Variants in RASGRF1 observed in about 807,000 individuals in gnomAD.
RASGRF1 encodes Ras protein specific guanine nucleotide releasing factor 1.
RASGRF1 carries 40 observed loss-of-function variants against 138.7 expected under a neutral mutation model. The observed-to-expected ratio is 0.29, with a 90% CI of 0.22 to 0.38. RASGRF1 has a LOEUF of 0.38. RASGRF1 is among the 10% of genes least tolerant of loss of function. The pLI is 1.00. For missense variants in RASGRF1, 1,108 were observed against 1,650.4 expected, an observed-to-expected ratio of 0.67 and a Z score of 5.69; for synonymous variants, 614 against 663.2, an observed-to-expected ratio of 0.93 and a Z score of 1.14.
At chr15:79,014,128 C>T (rs34628127) in intron 13 of RASGRF1, among the ~76,000 whole-genome samples, 14,984 of 152,124 alleles carry the variant, frequency 0.098, 879 homozygotes, top group Non-Finnish European at 0.13. Context: ...ACTTCTGTAA[C>T]CCTTCTACAC....
chr15:79,025,586 G>A lies in RASGRF1; in HGVS notation c.1382-112C>T, dbSNP rs114102725. 1.1e-4 allele frequency: 150 copies of A among 1,307,034 alleles called. No individual in the cohort carries two copies. The African/African-American group carries it at 2.1e-3, about 19-fold the overall frequency. 81.0% of individuals were successfully genotyped at this position (1,307,034 alleles called of 1,614,324 possible). On this transcript the variant is annotated intron_variant, in intron 9 of 26. Transcript: ENST00000558480. ...AGCAGCAGTGGGACAAGTCCATTCT[G>A]TTTCCCAGTAGCAAATGTGCCCCTG...
chr15:79,043,470 C>A (rs568078635), intron 5 of RASGRF1, among the ~76,000 whole-genome samples: 1 of 152,322 alleles, frequency 6.6e-6, no homozygotes, highest in Non-Finnish European at 1.5e-5. Flanking sequence ...CACCAAGTCT[C>A]TTCTTTGATC....
At chr15:79,021,503 C>T (rs1048853646) in intron 10 of RASGRF1, among the ~76,000 whole-genome samples, 1 of 152,240 alleles carries the variant, frequency 6.6e-6, no homozygotes, top group Admixed American at 6.5e-5. Flanking sequence ...CTAGCTCTGA[C>T]ATTCTCTTAC....
intron 14 of RASGRF1, among the ~76,000 whole-genome samples, chr15:79,004,534 T>A (rs2056629211): frequency 6.6e-6 from 1 of 152,248 alleles, no homozygotes; most frequent in South Asian, 2.1e-4. Context: ...CTACACTCTC[T>A]GGCCTCATCC....
chr15:79,057,652 GT>G (rs1263219005), intron 3 of RASGRF1, among the ~76,000 whole-genome samples: 4 of 152,164 alleles, frequency 2.6e-5, no homozygotes, highest in Non-Finnish European at 5.9e-5. Context: ...GCTTCCTAAG[GT>G]TTAATGTAAA....
In RASGRF1 at chr15:79,073,864, C is replaced by T. The variant is rs988623542; in HGVS notation, c.277-9338G>A. The stretch of plus-strand genomic sequence containing the variant: ...TGTTAGGACTGTAAGTTCTTGGGCT[C>T]CACCCCAGACCTCTGTTTTGAAACA... On this transcript the variant is annotated intron_variant, in intron 1 of 26. Coordinates refer to ENST00000558480, the MANE Select transcript of RASGRF1 (RefSeq NM_001145648.3). The surrounding 1 kb of genome is among the most constrained non-coding windows in gnomAD (Gnocchi z 4.2). Among the ~76,000 whole-genome samples, 3 of 152,216 alleles carry T rather than the reference C, an allele frequency of 2.0e-5. No individual in the cohort carries two copies. The highest frequency in any genetic ancestry group is 4.8e-5 in the African/African-American group (2 of 41,444).
chr15:79,027,855 T>G lies in RASGRF1; in HGVS notation c.1267A>C (p.Met423Leu). 1 of 1,614,180 alleles carries G rather than the reference T, an allele frequency of 6.2e-7. No homozygotes were observed. Among genetic ancestry groups the G allele is most frequent in the Non-Finnish European group, 8.5e-7 (1 of 1,180,012 alleles). The change falls in exon 9 of 27, where the codon ATG (methionine) becomes CTG (leucine). Residue 423 changes from methionine to leucine, a missense_variant. Coordinates refer to ENST00000558480, the MANE Select transcript of RASGRF1 (RefSeq NM_001145648.3). This position sits in a 1 kb window ranked among gnomAD's most constrained non-coding sequence, Gnocchi z 4.8. Reference sequence around the variant, plus strand: ...TCCGTCTCACTTACTTCATCGTGCATTATTCTGTGGGGATGGGAAACTGCA... The same window carrying G: ...TCCGTCTCACTTACTTCATCGTGCAGTATTCTGTGGGGATGGGAAACTGCA... ...KSKLEELSRI[M>L]HDEVSETENI...
At chr15:79,013,917 C>A (rs551885110) in intron 13 of RASGRF1, among the ~76,000 whole-genome samples, 4 of 152,218 alleles carry the variant, frequency 2.6e-5, no homozygotes, top group South Asian at 4.1e-4. Flanking sequence ...TCTATATATT[C>A]ATTTTTTAAT....
At chr15:78,988,198 A>G (rs2056200834) in intron 22 of RASGRF1, among the ~76,000 whole-genome samples, 1 of 152,226 alleles carries the variant, frequency 6.6e-6, no homozygotes, top group Non-Finnish European at 1.5e-5. Context: ...CAGTTTCTTC[A>G]TCCACAAAGT....
chr15:79,082,712 T>A (rs183232380), intron 1 of RASGRF1, among the ~76,000 whole-genome samples: 4 of 152,298 alleles, frequency 2.6e-5, no homozygotes, highest in Admixed American at 2.6e-4. Flanking sequence ...TCGTGATGAT[T>A]TGTCCACAGG....
intron 20 of RASGRF1, 120 bp downstream of exon 20, chr15:78,995,619 TG>T: frequency 8.3e-7 from 1 of 1,208,646 alleles, no homozygotes; most frequent in South Asian, 1.3e-5. Context: ...GCCCAGTTTG[TG>T]GTATTTTTTC....
Position 78,973,964 on chromosome 15 carries a change from C to A in RASGRF1, c.3495-544G>T, listed in dbSNP as rs1231489748. 6.6e-6 allele frequency among the ~76,000 whole-genome samples: 1 copy of A among 152,196 alleles called. No homozygotes were observed. Among genetic ancestry groups the A allele is most frequent in the Non-Finnish European group, 1.5e-5 (1 of 68,016 alleles). On this transcript the variant is annotated intron_variant, in intron 24 of 26. Coordinates refer to ENST00000558480, the MANE Select transcript of RASGRF1 (RefSeq NM_001145648.3). This position sits in a 1 kb window ranked among gnomAD's most constrained non-coding sequence, Gnocchi z 4.9. ...TAAGCACTGGGCTTGGGTGCCAGGG[C>A]AGGAAACCCTTGCTCTCTGAGATCA...
intron 1 of RASGRF1, chr15:79,064,752 G>A: frequency 2.3e-5 from 12 of 515,516 alleles, no homozygotes; most frequent in East Asian, 1.0e-4. Flanking sequence ...ATTGTAAGAA[G>A]GAAACAAAAC....
intron 24 of RASGRF1, chr15:78,980,289 G>A (rs896206645): frequency 5.1e-6 from 1 of 197,428 alleles, no homozygotes; most frequent in African/African-American, 2.3e-5. Flanking sequence ...GTCTCCTGAT[G>A]TCAGAATTAT....
intron 15 of RASGRF1, among the ~76,000 whole-genome samples, chr15:79,003,191 T>G (rs1342009042): frequency 6.6e-6 from 1 of 152,234 alleles, no homozygotes. Flanking sequence ...GTCATTCCCA[T>G]CCTGTTCCCA....
Position 79,015,217 on chromosome 15 carries a change from C to T in RASGRF1, c.1826+110G>A, listed in dbSNP as rs946073203. On this transcript the variant is annotated intron_variant, in intron 13 of 26. Transcript: ENST00000558480. Reference sequence around the variant, plus strand: ...TCCAAAACACCCCCAAAGACAAAGCCCAGCATCTCTGAACCCCAGTAGCTG... The same window carrying T: ...TCCAAAACACCCCCAAAGACAAAGCTCAGCATCTCTGAACCCCAGTAGCTG... The T allele has an allele frequency of 1.7e-5, 18 of 1,056,036 alleles. No homozygotes were observed. In the African/African-American group the frequency reaches 2.7e-4, roughly 16 times the overall value. 65.4% of individuals were successfully genotyped at this position (1,056,036 alleles called of 1,614,324 possible).
At position 79,019,987 on chromosome 15, in the gene RASGRF1, C is replaced by T. The variant is rs564765259; in HGVS notation, c.1606+54G>A. ...GCCTGGCCCAACCTTTAGGAGTGAG[C>T]GTGTGTGTATCTGTGCAAGCACACA... On this transcript the variant is annotated intron_variant, in intron 11 of 26. Transcript: ENST00000558480. The T allele has an allele frequency of 6.2e-5, 98 of 1,593,376 alleles. No homozygotes were observed. In the East Asian group the frequency reaches 1.5e-3, roughly 25 times the overall value.
intron 10 of RASGRF1, among the ~76,000 whole-genome samples, chr15:79,023,176 G>GGAA (rs2056987558): frequency 6.7e-6 from 1 of 149,614 alleles, no homozygotes; most frequent in Non-Finnish European, 1.5e-5. Context: ...TCCGTCTTGG[G>GGAA]GAAAAAAAAA....
chr15:78,998,127 G>A lies in RASGRF1; in HGVS notation c.2935C>T (p.Gln979Ter). ...ATGTTGGCTGCAGCCTTCCGCTCCT[G>A]GGTCAGGAGCTCCGGGTCGTGCATG... ...EVMHDPELLTQERKAAANIIR... is the reference protein window; with the variant it reads ...EVMHDPELLT The change falls in exon 19 of 27, where the codon CAG becomes TAG. Residue 979 changes from glutamine (Q) to a stop codon, truncating the protein, a stop_gained. Coordinates refer to ENST00000558480, the MANE Select transcript of RASGRF1 (RefSeq NM_001145648.3). LOFTEE classifies it high-confidence loss of function. 12 of 1,614,190 alleles carry A rather than the reference G, an allele frequency of 7.4e-6. No homozygotes were observed. Among genetic ancestry groups the A allele is most frequent in the Non-Finnish European group, 1.0e-5 (12 of 1,180,002 alleles).
Sources: gnomAD v4.1 joint callset for allele counts (sites outside exome capture counted in the v4.1 genomes callset) on GRCh38, gnomAD v4.1.1 for gene constraint, Gnocchi (gnomAD v3.1) non-coding constraint, MANE v1.5 for transcripts, NCBI Gene and HGNC (gene_info 2026-07-23, HGNC 2026-07-21) for gene names.